Variants in TSC22D1 observed in about 807,000 individuals in gnomAD.
The protein encoded by TSC22D1 is TSC22 domain family member 1.
A neutral mutation model predicts 74.2 loss-of-function variants in TSC22D1; 9 were observed. That is an observed-to-expected ratio of 0.12 (90% CI 0.07 to 0.21). The LOEUF (loss-of-function observed/expected upper bound fraction) is 0.21, where lower values mean the gene tolerates loss of function less well. TSC22D1 is among the 10% of genes least tolerant of loss of function. The pLI, the probability that TSC22D1 is intolerant of heterozygous loss-of-function variation, is 1.00. For missense variants in TSC22D1, 1,427 were observed against 1,304.7 expected, an observed-to-expected ratio of 1.09 and a Z score of -1.44; for synonymous variants, 586 against 492.5, an observed-to-expected ratio of 1.19 and a Z score of -2.51.
At chr13:44,567,375 T>C (rs1226084460) in intron 1 of TSC22D1, among the ~76,000 whole-genome samples, 1 of 152,166 alleles carries the variant, frequency 6.6e-6, no homozygotes, top group Non-Finnish European at 1.5e-5. Flanking sequence ...AATTTCTAAT[T>C]AGCATTTTAA....
At chr13:44,562,707 T>A (rs1181979175) in intron 1 of TSC22D1, among the ~76,000 whole-genome samples, 1 of 152,194 alleles carries the variant, frequency 6.6e-6, no homozygotes, top group Non-Finnish European at 1.5e-5. Flanking sequence ...AAGGAACCAA[T>A]CCTAAAATAT....
At chr13:44,479,935 C>T (rs1878101971) in intron 1 of TSC22D1, among the ~76,000 whole-genome samples, 1 of 152,170 alleles carries the variant, frequency 6.6e-6, no homozygotes, top group African/African-American at 2.4e-5. Context: ...CTATCAAGGA[C>T]TGCTGTATGA....
chr13:44,536,439 T>C (rs1881132048), intron 1 of TSC22D1, among the ~76,000 whole-genome samples: 1 of 151,826 alleles, frequency 6.6e-6, no homozygotes, highest in Admixed American at 6.6e-5. Context: ...CAAGAATCAA[T>C]AAAACTAAAT....
In TSC22D1 at chr13:44,433,799, C is replaced by T; in HGVS notation, c.*827G>A. 1.1e-5 allele frequency: 6 copies of T among 556,938 alleles called. No individual in the cohort carries two copies. The highest frequency in any genetic ancestry group is 4.1e-5 in the Admixed American group (1 of 24,432). 34.5% of individuals were successfully genotyped at this position (556,938 alleles called of 1,614,324 possible). On this transcript the variant is annotated 3_prime_UTR_variant, in exon 3 of 3. Coordinates refer to ENST00000458659, the MANE Select transcript of TSC22D1 (RefSeq NM_183422.4). ...AGATTACACAAAGTGAGTAACTGTG[C>T]CAAATTCTTAAAATTTCTTTAGGTG...
chr13:44,519,895 G>A (rs998087371), intron 1 of TSC22D1, among the ~76,000 whole-genome samples: 4 of 152,120 alleles, frequency 2.6e-5, no homozygotes, highest in African/African-American at 9.7e-5. Flanking sequence ...ATGGTGTAAG[G>A]ACTACAGATA....
At chr13:44,453,679 A>G (rs745918399) in intron 1 of TSC22D1, among the ~76,000 whole-genome samples, 1 of 152,218 alleles carries the variant, frequency 6.6e-6, no homozygotes, top group Non-Finnish European at 1.5e-5. Flanking sequence ...CTATTTCTAG[A>G]CACCCCAGAA....
intron 1 of TSC22D1, among the ~76,000 whole-genome samples, chr13:44,479,675 A>C (rs1161024975): frequency 6.6e-6 from 1 of 152,184 alleles, no homozygotes; most frequent in African/African-American, 2.4e-5. Flanking sequence ...ATAAGACAAA[A>C]AGTAAGTACT....
Position 44,496,361 on chromosome 13 carries a change from C to T in TSC22D1, c.2913-60266G>A, listed in dbSNP as rs532022733. On this transcript the variant is annotated intron_variant, in intron 1 of 2. Transcript: ENST00000458659. The stretch of plus-strand genomic sequence containing the variant: ...GACTAGCCTGGACAACATAGGGAGA[C>T]CCTGTCTCCACAAAACTTTTTTAAA... 9.9e-5 allele frequency among the ~76,000 whole-genome samples: 15 copies of T among 152,074 alleles called. 1 individual carries two copies. The East Asian group carries it at 2.7e-3, about 28-fold the overall frequency.
intron 1 of TSC22D1, among the ~76,000 whole-genome samples, chr13:44,472,944 T>TG (rs1877691980): frequency 6.6e-6 from 1 of 152,192 alleles, no homozygotes. Context: ...GAGATTTACT[T>TG]GGACTTGCAG....
intron 1 of TSC22D1, among the ~76,000 whole-genome samples, chr13:44,530,663 C>CAAAA (rs57089792): frequency 7.7e-6 from 1 of 129,974 alleles, no homozygotes. Context: ...TCTTAAAACT[C>CAAAA]AAAAAAAAAA....
intron 1 of TSC22D1, among the ~76,000 whole-genome samples, chr13:44,473,448 T>A (rs1454703100): frequency 6.6e-6 from 1 of 152,070 alleles, no homozygotes; most frequent in Non-Finnish European, 1.5e-5. Flanking sequence ...TGAACCAAGA[T>A]CATGCCACTG....
At chr13:44,507,914 T>C (rs1338507384) in intron 1 of TSC22D1, among the ~76,000 whole-genome samples, 2 of 152,178 alleles carry the variant, frequency 1.3e-5, no homozygotes, top group East Asian at 1.9e-4. Context: ...TCCTGAGCCC[T>C]GGGGAATCAC....
At chr13:44,473,868 C>T (rs1007239821) in intron 1 of TSC22D1, among the ~76,000 whole-genome samples, 1 of 152,094 alleles carries the variant, frequency 6.6e-6, no homozygotes, top group African/African-American at 2.4e-5. Flanking sequence ...CAATTTTAAG[C>T]CAATTTGTAA....
intron 1 of TSC22D1, among the ~76,000 whole-genome samples, chr13:44,565,971 A>G (rs1883346274): frequency 6.6e-6 from 1 of 152,150 alleles, no homozygotes; most frequent in Non-Finnish European, 1.5e-5. Context: ...GTTTCAAAAG[A>G]AAAAATAAAT....
intron 1 of TSC22D1, among the ~76,000 whole-genome samples, chr13:44,559,047 G>A (rs191668042): frequency 2.6e-5 from 4 of 152,258 alleles, no homozygotes; most frequent in Admixed American, 2.0e-4. Flanking sequence ...CTCCATAGAG[G>A]AAAATAACAC....
chr13:44,434,629 T>C lies in TSC22D1; in HGVS notation c.3219A>G (p.Ala1073=), dbSNP rs2234260. The change falls in exon 3 of 3, where the codon GCA becomes GCG. Residue 1073 remains alanine, a synonymous_variant. Transcript: ENST00000458659. ...AGTTCTGCGGGGGCATAGGCAGCTA[T>C]GCGGTTGGTCCTGAGCCCTGCGATG... ...QPASQGSGPT[A] 0.014 allele frequency: 21,255 copies of C among 1,530,788 alleles called. 161 individuals are homozygous for C. The highest frequency in any genetic ancestry group is 0.016 in the Non-Finnish European group (18,174 of 1,142,634). 94.8% of individuals were successfully genotyped at this position (1,530,788 alleles called of 1,614,324 possible). A position where few individuals can be genotyped will look rare whatever the true frequency, so the allele number is the denominator to read the frequency against.
intron 1 of TSC22D1, among the ~76,000 whole-genome samples, chr13:44,491,296 G>A (rs1350392562): frequency 1.3e-5 from 2 of 152,208 alleles, no homozygotes; most frequent in Non-Finnish European, 2.9e-5. Context: ...GCTCACGCCT[G>A]TAATCCCAGC....
chr13:44,575,428 T>C lies in TSC22D1; in HGVS notation c.647A>G (p.His216Arg). The C allele has an allele frequency of 6.2e-7, 1 of 1,614,092 alleles. No homozygotes were observed. The highest frequency in any genetic ancestry group is 2.2e-5 in the East Asian group (1 of 44,880). ...ATGGTGGTGATGGAGGTGGTGTGGA[T>C]GAGCATTCCCATTGATCACAACATT... Reference protein sequence around the residue: ...QQNVVINGNAHPHHLHHHHQI... With the variant: ...QQNVVINGNARPHHLHHHHQI... Residue 216 changes from histidine to arginine, a missense_variant, in exon 1 of 3, where the codon CAT (histidine) becomes CGT (arginine). Physicochemically the swap from His to Arg is conservative, Grantham distance 29. Transcript: ENST00000458659.
At chr13:44,537,902 G>C in intron 1 of TSC22D1, 10 of 985,002 alleles carry the variant, frequency 1.0e-5, no homozygotes, top group Non-Finnish European at 1.2e-5. Flanking sequence ...AATAACTCTA[G>C]AATGTCTATT....
Sources: gnomAD v4.1 joint callset for allele counts (sites outside exome capture counted in the v4.1 genomes callset) on GRCh38, gnomAD v4.1.1 for gene constraint, MANE v1.5 for transcripts, NCBI Gene and HGNC (gene_info 2026-07-23, HGNC 2026-07-21) for gene names.